The following RNGTT variants were observed in gnomAD, a reference collection of about 807,000 sequenced individuals.
The protein encoded by RNGTT is RNA guanylyltransferase and 5'-phosphatase.
In RNGTT, 33 loss-of-function variants were observed where a neutral mutation model predicts 79.3. That is an observed-to-expected ratio of 0.42 (90% CI 0.32 to 0.56). The LOEUF (loss-of-function observed/expected upper bound fraction) is 0.56. Ranked by LOEUF, RNGTT falls within the 20% of genes least tolerant of loss-of-function variation. The pLI is 0.17. For missense variants in RNGTT, 497 were observed against 739.1 expected (o/e 0.67, Z 3.80); for synonymous variants, 222 against 235.9 (o/e 0.94, Z 0.54).
intron 13 of RNGTT, among the ~76,000 whole-genome samples, chr6:88,700,638 T>C (rs143447080): frequency 1.3e-5 from 2 of 152,090 alleles, no homozygotes; most frequent in East Asian, 1.9e-4. Flanking sequence ...CTAAGAGAGA[T>C]GATTCATAAA....
At chr6:88,711,168 C>T (rs1167946745) in intron 13 of RNGTT, among the ~76,000 whole-genome samples, 3 of 152,068 alleles carry the variant, frequency 2.0e-5, no homozygotes, top group Non-Finnish European at 4.4e-5. Flanking sequence ...AATTGTAGTG[C>T]TGACATCTAG....
chr6:88,623,028 T>G (rs1772496100), intron 14 of RNGTT, among the ~76,000 whole-genome samples: 1 of 152,152 alleles, frequency 6.6e-6, no homozygotes, highest in South Asian at 2.1e-4. Flanking sequence ...AGGTGGGTTC[T>G]AAGGAGATGA....
At chr6:88,926,355 G>A (rs1033553409) in intron 4 of RNGTT, among the ~76,000 whole-genome samples, 3 of 151,994 alleles carry the variant, frequency 2.0e-5, no homozygotes, top group African/African-American at 7.3e-5. Context: ...CTCATAACTT[G>A]CATGTCTGAT....
At chr6:88,707,066 A>T (rs906053222) in intron 13 of RNGTT, among the ~76,000 whole-genome samples, 2 of 152,216 alleles carry the variant, frequency 1.3e-5, no homozygotes, top group African/African-American at 4.8e-5. Context: ...AATTTTGGCA[A>T]ATGTTTTAGA....
chr6:88,765,860 A>C (rs1247404212), intron 13 of RNGTT, among the ~76,000 whole-genome samples: 1 of 152,152 alleles, frequency 6.6e-6, no homozygotes, highest in Non-Finnish European at 1.5e-5. Context: ...CAGGTGTTTA[A>C]CAGTTATGAC....
At chr6:88,836,990 C>A (rs553894125) in intron 11 of RNGTT, among the ~76,000 whole-genome samples, 13 of 152,232 alleles carry the variant, frequency 8.5e-5, no homozygotes, top group Non-Finnish European at 1.5e-4. Context: ...CCAATTTTCA[C>A]ATAGGAAGTG....
At chr6:88,912,847 G>A (rs1039035052) in intron 4 of RNGTT, among the ~76,000 whole-genome samples, 1 of 152,062 alleles carries the variant, frequency 6.6e-6, no homozygotes, top group Non-Finnish European at 1.5e-5. Flanking sequence ...GGAAGAAACT[G>A]AAACCCTGGA....
At chr6:88,702,978 A>T (rs765992530) in intron 13 of RNGTT, among the ~76,000 whole-genome samples, 1 of 152,218 alleles carries the variant, frequency 6.6e-6, no homozygotes, top group Non-Finnish European at 1.5e-5. Context: ...CATCAGGGAA[A>T]TGCAAATCAA....
At chr6:88,745,181 C>T (rs9353599) in intron 13 of RNGTT, among the ~76,000 whole-genome samples, 21,137 of 152,156 alleles carry the variant, frequency 0.14, 1,615 homozygotes, top group Middle Eastern at 0.24. Context: ...AGAGAAACTC[C>T]GCATATACCA....
chr6:88,822,077 T>C (rs1381177990), intron 11 of RNGTT, among the ~76,000 whole-genome samples: 1 of 152,180 alleles, frequency 6.6e-6, no homozygotes, highest in Non-Finnish European at 1.5e-5. Context: ...GAACTGAATT[T>C]ATACAGCCAG....
At chr6:88,959,371 T>A (rs1785539512) in intron 1 of RNGTT, among the ~76,000 whole-genome samples, 2 of 152,176 alleles carry the variant, frequency 1.3e-5, no homozygotes, top group Non-Finnish European at 2.9e-5. Context: ...AAATGTTTTT[T>A]AAAAAGATCT....
intron 8 of RNGTT, among the ~76,000 whole-genome samples, chr6:88,867,617 T>G (rs1454408693): frequency 6.6e-6 from 1 of 152,164 alleles, no homozygotes; most frequent in Middle Eastern, 3.2e-3. Context: ...AAAAGTTATA[T>G]TCAATAGATT....
At chr6:88,680,062 A>G (rs1247723786) in intron 13 of RNGTT, among the ~76,000 whole-genome samples, 2 of 152,204 alleles carry the variant, frequency 1.3e-5, no homozygotes, top group Non-Finnish European at 2.9e-5. Flanking sequence ...TGTGGTATCT[A>G]GAGTCAAAAC....
At chr6:88,885,787 A>C (rs566476373) in intron 8 of RNGTT, among the ~76,000 whole-genome samples, 9 of 152,344 alleles carry the variant, frequency 5.9e-5, no homozygotes, top group African/African-American at 1.9e-4. Context: ...TCTGGCACAC[A>C]CCAACTAAAT....
intron 13 of RNGTT, among the ~76,000 whole-genome samples, chr6:88,758,983 C>T (rs145492153): frequency 9.8e-5 from 15 of 152,304 alleles, no homozygotes; most frequent in Admixed American, 3.3e-4. Flanking sequence ...CACCCATTAA[C>T]TCCATTGATT....
intron 2 of RNGTT, among the ~76,000 whole-genome samples, chr6:88,939,204 T>C (rs1372591221): frequency 6.6e-6 from 1 of 152,236 alleles, no homozygotes; most frequent in Non-Finnish European, 1.5e-5. Context: ...TCTAACCCTT[T>C]TGTTCTCTCT....
intron 11 of RNGTT, among the ~76,000 whole-genome samples, chr6:88,821,881 T>TAA (rs35445708): frequency 7.2e-6 from 1 of 139,206 alleles, no homozygotes; most frequent in Non-Finnish European, 1.6e-5. Context: ...ATTAGGCCAC[T>TAA]AAAAAAAAAA....
rs746472579 is a variant in RNGTT at position 88,647,701 on chromosome 6, T to TAAAAAAAAA, written c.1506+30643_1506+30651dup. 1.3e-3 allele frequency among the ~76,000 whole-genome samples: 133 copies of TAAAAAAAAA among 100,828 alleles called. 4 individuals carry two copies. Among genetic ancestry groups the TAAAAAAAAA allele is most frequent in the African/African-American group, 5.0e-3 (97 of 19,552 alleles). 66.1% of individuals were successfully genotyped at this position (100,828 alleles called of 152,430 possible). ...CTGGGTGACAGAACCGACACCCTGT[T>TAAAAAAAAA]AAAAAAAAAAAAAAAAGAAGAAGAA... On this transcript the variant is annotated intron_variant, in intron 14 of 15. Coordinates refer to ENST00000369485, the MANE Select transcript of RNGTT (RefSeq NM_003800.5).
At chr6:88,931,677 A>G (rs1162963745) in intron 2 of RNGTT, among the ~76,000 whole-genome samples, 1 of 152,224 alleles carries the variant, frequency 6.6e-6, no homozygotes, top group Non-Finnish European at 1.5e-5. Flanking sequence ...AACAGTATAC[A>G]TGGCCATATG....
Sources: gnomAD v4.1 joint callset for allele counts (sites outside exome capture counted in the v4.1 genomes callset) on GRCh38, gnomAD v4.1.1 for gene constraint, MANE v1.5 for transcripts, NCBI Gene and HGNC (gene_info 2026-07-23, HGNC 2026-07-21) for gene names.